The following CTNNA3 variants were observed in gnomAD, a reference collection of about 807,000 sequenced individuals.
The protein encoded by CTNNA3 is catenin alpha-3.
CTNNA3 carries 76 observed loss-of-function variants against 95.7 expected under a neutral mutation model. That is an observed-to-expected ratio of 0.79 (90% CI 0.66 to 0.96). CTNNA3 has a LOEUF of 0.96. Ranked by LOEUF, CTNNA3 falls within the 40% of genes least tolerant of loss-of-function variation. The pLI, the probability that CTNNA3 is intolerant of heterozygous loss-of-function variation, is 0.00. For missense variants in CTNNA3, 1,191 were observed against 1,089.8 expected, an observed-to-expected ratio of 1.09 and a Z score of -1.31; for synonymous variants, 431 against 374.4, an observed-to-expected ratio of 1.15 and a Z score of -1.74.
At chr10:66,014,279 T>A (rs116594703) in intron 15 of CTNNA3, among the ~76,000 whole-genome samples, 1 of 152,144 alleles carries the variant, frequency 6.6e-6, no homozygotes, top group Admixed American at 6.5e-5. Flanking sequence ...AATTTCTGAA[T>A]AGTAGAAGCC....
chr10:66,158,907 T>G (rs953641503), intron 13 of CTNNA3, among the ~76,000 whole-genome samples: 1 of 147,608 alleles, frequency 6.8e-6, no homozygotes, highest in Non-Finnish European at 1.5e-5. Flanking sequence ...TTTATTTTTA[T>G]TTTTTTGCAG....
chr10:67,592,766 C>G (rs1049869751), intron 3 of CTNNA3, among the ~76,000 whole-genome samples: 1 of 152,186 alleles, frequency 6.6e-6, no homozygotes, highest in Non-Finnish European at 1.5e-5. Flanking sequence ...GACTAATCCT[C>G]TCACAAATAA....
chr10:66,436,195 T>G (rs960907854), intron 11 of CTNNA3, among the ~76,000 whole-genome samples: 1 of 152,196 alleles, frequency 6.6e-6, no homozygotes, highest in Non-Finnish European at 1.5e-5. Context: ...TTAGGTCTGC[T>G]CGGACCTGAG....
intron 1 of CTNNA3, among the ~76,000 whole-genome samples, chr10:67,725,023 A>C (rs1841200781): frequency 6.6e-6 from 1 of 152,006 alleles, no homozygotes; most frequent in Non-Finnish European, 1.5e-5. Flanking sequence ...ATAATTTATA[A>C]AATTATATCT....
intron 15 of CTNNA3, among the ~76,000 whole-genome samples, chr10:66,052,578 TACTGTC>T (rs772601258): frequency 1.3e-5 from 2 of 152,170 alleles, no homozygotes; most frequent in Non-Finnish European, 2.9e-5. Context: ...AGCAAAAATT[TACTGTC>T]TCTGTTTCTC....
intron 1 of CTNNA3, among the ~76,000 whole-genome samples, chr10:67,654,141 G>A (rs914643437): frequency 1.3e-5 from 2 of 152,310 alleles, no homozygotes; most frequent in Admixed American, 1.3e-4. Flanking sequence ...GGGACACAGA[G>A]GTGAGCTCCA....
chr10:67,010,874 C>T (rs1852280338), intron 7 of CTNNA3, among the ~76,000 whole-genome samples: 1 of 152,078 alleles, frequency 6.6e-6, no homozygotes, highest in Non-Finnish European at 1.5e-5. Flanking sequence ...AAATTATACT[C>T]CTTTATGGTT....
At chr10:67,727,555 T>C (rs117044865) in intron 1 of CTNNA3, among the ~76,000 whole-genome samples, 4,585 of 129,218 alleles carry the variant, frequency 0.035, 93 homozygotes, top group Middle Eastern at 0.08. Flanking sequence ...ATAGATCATA[T>C]ATAATATATA....
chr10:66,064,080 G>T (rs989128885), intron 15 of CTNNA3, among the ~76,000 whole-genome samples: 3 of 152,078 alleles, frequency 2.0e-5, no homozygotes, highest in Non-Finnish European at 2.9e-5. Flanking sequence ...CCGCATGGCT[G>T]GGGAGCCCTC....
At chr10:67,059,024 C>G (rs192535003) in intron 7 of CTNNA3, among the ~76,000 whole-genome samples, 51 of 152,286 alleles carry the variant, frequency 3.3e-4, no homozygotes, top group Admixed American at 2.8e-3. Context: ...GCTAATGCAG[C>G]CTTCTAAGAA....
chr10:66,106,138 C>T (rs1366711806), intron 13 of CTNNA3, among the ~76,000 whole-genome samples: 1 of 149,682 alleles, frequency 6.7e-6, no homozygotes, highest in Admixed American at 6.7e-5. Context: ...ATCCAGGCGG[C>T]GGAGGTTGCA....
chr10:65,969,178 CCCAGCATTCTCTAAAGT>C (rs2078042790), intron 16 of CTNNA3, among the ~76,000 whole-genome samples: 2 of 151,650 alleles, frequency 1.3e-5, no homozygotes, highest in African/African-American at 4.8e-5. Flanking sequence ...AAAGACCTTA[CCCAGCATTCTCTAAAGT>C]CACACTCCCT....
At chr10:67,013,084 G>A (rs992535913) in intron 7 of CTNNA3, 3 of 152,036 alleles carry the variant, frequency 2.0e-5, no homozygotes, top group African/African-American at 7.2e-5. Flanking sequence ...AATCCTAAAC[G>A]AGATAGGAAA....
chr10:66,123,036 A>G (rs1245058217), intron 13 of CTNNA3, among the ~76,000 whole-genome samples: 1 of 151,956 alleles, frequency 6.6e-6, no homozygotes, highest in African/African-American at 2.4e-5. Flanking sequence ...CTCACATTTA[A>G]AAACCAATCA....
In CTNNA3 at chr10:66,275,436, A is replaced by AT. The variant is rs138142954; in HGVS notation, c.1884+5033dup. The stretch of plus-strand genomic sequence containing the variant: ...TTGCATTTGAAGCATGGACAGTCTC[A>AT]TTTTTTTCATCATCTTGGGAAACAC... On this transcript the variant is annotated intron_variant, in intron 13 of 17. Coordinates refer to ENST00000433211, the MANE Select transcript of CTNNA3 (RefSeq NM_013266.4). Among the ~76,000 whole-genome samples the AT allele has an allele frequency of 7.3e-3, 1,107 of 152,204 alleles. 17 individuals carry two copies. Among genetic ancestry groups the AT allele is most frequent in the African/African-American group, 0.025 (1,044 of 41,534 alleles).
chr10:66,017,627 A>G (rs552917283), intron 15 of CTNNA3, among the ~76,000 whole-genome samples: 1 of 152,282 alleles, frequency 6.6e-6, no homozygotes, highest in South Asian at 2.1e-4. Flanking sequence ...AGTGGCTTCC[A>G]GAGACTAAAG....
At chr10:65,925,219 C>A (rs760113534) in intron 17 of CTNNA3, among the ~76,000 whole-genome samples, 4 of 152,146 alleles carry the variant, frequency 2.6e-5, no homozygotes, top group Non-Finnish European at 4.4e-5. Context: ...AAACCTCTAG[C>A]CCCTCATATT....
At chr10:66,121,993 A>G (rs2082605361) in intron 13 of CTNNA3, among the ~76,000 whole-genome samples, 1 of 152,220 alleles carries the variant, frequency 6.6e-6, no homozygotes, top group Admixed American at 6.5e-5. Flanking sequence ...ATACTTAATC[A>G]CATAAATGAC....
At chr10:67,300,074 T>C (rs548978754) in intron 5 of CTNNA3, among the ~76,000 whole-genome samples, 3 of 152,300 alleles carry the variant, frequency 2.0e-5, no homozygotes, top group African/African-American at 7.2e-5. Context: ...TAGACTCCAC[T>C]TCAGACCTAT....
Sources: gnomAD v4.1 joint callset for allele counts (sites outside exome capture counted in the v4.1 genomes callset) on GRCh38, gnomAD v4.1.1 for gene constraint, MANE v1.5 for transcripts, NCBI Gene and HGNC (gene_info 2026-07-23, HGNC 2026-07-21) for gene names.